NUP210: variants seen among roughly 807,000 people sequenced by gnomAD.
NUP210 encodes nucleoporin 210, also known as nuclear pore membrane glycoprotein 210.
Under a neutral mutation model 196.0 loss-of-function variants are expected in NUP210, and 151 were observed. That is an observed-to-expected ratio of 0.77 (90% CI 0.67 to 0.88). The LOEUF (loss-of-function observed/expected upper bound fraction) is 0.88. Among genes scored for constraint, NUP210 ranks in the 40% least tolerant of loss-of-function variants. The probability of loss-of-function intolerance (pLI) is 0.00; values close to 1 mark genes in which losing one functional copy is unlikely to be tolerated. For synonymous variants in NUP210, 1,070 were observed against 1,052.7 expected, an observed-to-expected ratio of 1.02 and a Z score of -0.32; for missense variants, 2,314 against 2,493.7, an observed-to-expected ratio of 0.93 and a Z score of 1.53.
rs1696800585 is a variant in NUP210 at position 13,327,304 on chromosome 3, C to T, written c.4420G>A (p.Val1474Ile). Residue 1474 changes from valine to isoleucine, a missense_variant, in exon 32 of 40, where the codon GTC (valine) becomes ATC (isoleucine). By Grantham distance (29) the Val-to-Ile change is conservative (BLOSUM62 3). Transcript: ENST00000254508. ...AGCTCTGGGGAGATGGCCTGTAGGA[C>T]AGGCAGGGGCATGAAGTCCGAGAGG... ...PGLSDFMPLP[V>I]LQAISPELSG... 1 of 1,613,492 alleles carries T rather than the reference C, an allele frequency of 6.2e-7. No individual in the cohort carries two copies.
At chr3:13,382,765 C>G (rs1193543996) in intron 6 of NUP210, among the ~76,000 whole-genome samples, 2 of 152,156 alleles carry the variant, frequency 1.3e-5, no homozygotes, top group African/African-American at 4.8e-5. Context: ...ATTCAGGTCC[C>G]CTATGAAGAC....
At chr3:13,367,607 G>A (rs6442374) in intron 13 of NUP210, among the ~76,000 whole-genome samples, 88,370 of 151,844 alleles carry the variant, frequency 0.58, 26,935 homozygotes, top group African/African-American at 0.77. Context: ...AAGGAAAACC[G>A]CCCCCCTGGC....
chr3:13,361,283 A>G (rs1698360950), intron 14 of NUP210, among the ~76,000 whole-genome samples: 1 of 152,232 alleles, frequency 6.6e-6, no homozygotes, highest in African/African-American at 2.4e-5. Flanking sequence ...AATGAAAGTG[A>G]GTTGGCAAGT....
intron 3 of NUP210, among the ~76,000 whole-genome samples, chr3:13,396,614 G>C (rs1455347006): frequency 6.7e-6 from 1 of 149,924 alleles, no homozygotes; most frequent in African/African-American, 2.5e-5. Context: ...AAAAAAATTA[G>C]CTGGGCTTGG....
In NUP210 at chr3:13,358,345, A is replaced by C. The variant is rs1007032759; in HGVS notation, c.2205T>G (p.Pro735=). 8 of 1,613,898 alleles carry C rather than the reference A, an allele frequency of 5.0e-6. No homozygotes were observed. Among genetic ancestry groups the C allele is most frequent in the Non-Finnish European group, 5.9e-6 (7 of 1,179,914 alleles). ...GNKPSLTNPF[P]AVEPAVVKFV... is the part of the protein sequence containing the mutation. The stretch of plus-strand genomic sequence containing the variant: ...ACTTCACCACGGCAGGCTCCACCGC[A>C]GGAAAGGGGTTGGTGAGGCTGGGCT... The change falls in exon 16 of 40, where the codon CCT becomes CCG. Residue 735 remains proline (P), a synonymous_variant. Coordinates refer to ENST00000254508, the MANE Select transcript of NUP210 (RefSeq NM_024923.4).
chr3:13,420,090 G>C lies in NUP210; in HGVS notation c.137C>G (p.Thr46Arg). ...GTAGCAGCCCTCCGAGGCCTCCAGC[G>C]TGAAGTTAACGCGCGTGGCCCGCGT... Reference protein sequence around the residue: ...PFTRATRVNFTLEASEGCYRW... With the variant: ...PFTRATRVNFRLEASEGCYRW... Residue 46 changes from threonine to arginine, a missense_variant, in exon 1 of 40, where the codon ACG (threonine) becomes AGG (arginine). Coordinates refer to ENST00000254508, the MANE Select transcript of NUP210 (RefSeq NM_024923.4). The surrounding 1 kb of genome is among the most constrained non-coding windows in gnomAD (Gnocchi z 4.8). 5.1e-6 allele frequency: 7 copies of C among 1,379,492 alleles called. No homozygotes were observed. The highest frequency in any genetic ancestry group is 6.7e-6 in the Non-Finnish European group (7 of 1,045,544). The allele number at this position is 1,379,492 out of a possible 1,614,324, so 85.5% of individuals were successfully genotyped here.
chr3:13,377,366 C>T (rs984716287), intron 9 of NUP210, 90 bp downstream of exon 9: 11 of 889,602 alleles, frequency 1.2e-5, no homozygotes, highest in Non-Finnish European at 1.8e-5. Flanking sequence ...TGCATGGGGG[C>T]TCCTGTTGCT....
At chr3:13,357,192 C>T (rs902811349) in intron 16 of NUP210, among the ~76,000 whole-genome samples, 1 of 152,226 alleles carries the variant, frequency 6.6e-6, no homozygotes, top group Non-Finnish European at 1.5e-5. Context: ...TCATCCTTCG[C>T]TCCTAGTTAC....
intron 3 of NUP210, among the ~76,000 whole-genome samples, chr3:13,394,026 C>T (rs1192965587): frequency 6.6e-6 from 1 of 152,166 alleles, no homozygotes; most frequent in African/African-American, 2.4e-5. Flanking sequence ...TAGTGCTGAC[C>T]TTGACAAGCC....
chr3:13,319,216 G>A lies in NUP210; in HGVS notation c.5479+14C>T. 1 of 1,612,454 alleles carries A rather than the reference G, an allele frequency of 6.2e-7. No homozygotes were observed. The highest frequency in any genetic ancestry group is 8.5e-7 in the Non-Finnish European group (1 of 1,179,244). ...GCAGGGGAACAGACCCAGAGATACA[G>A]GCAGCCTCCTCACCTATGATCATGA... On this transcript the variant is annotated intron_variant, in intron 38 of 39. Coordinates refer to ENST00000254508, the MANE Select transcript of NUP210 (RefSeq NM_024923.4).
chr3:13,362,790 T>C (rs1261621237), intron 14 of NUP210, among the ~76,000 whole-genome samples: 1 of 152,088 alleles, frequency 6.6e-6, no homozygotes, highest in South Asian at 2.1e-4. Flanking sequence ...GCACTAAGTA[T>C]GCTCAGGGCC....
At chr3:13,330,352 A>G in intron 30 of NUP210, 108 bp downstream of exon 30, 2 of 1,082,234 alleles carry the variant, frequency 1.8e-6, no homozygotes, top group Non-Finnish European at 2.7e-6. Flanking sequence ...ATGCCTGTCT[A>G]CAGTTTCTTA....
rs145557856 is a variant in NUP210 at position 13,393,605 on chromosome 3, G to A, written c.437-2298C>T. ...CTGGCTTTCTCTCCCGCCAGCTGCT[G>A]GCAACATGGCCAGACCCAGCTGCGT... On this transcript the variant is annotated intron_variant, in intron 3 of 39. Transcript: ENST00000254508. 3.6e-3 allele frequency among the ~76,000 whole-genome samples: 541 copies of A among 152,340 alleles called. 4 individuals are homozygous for A. The highest frequency in any genetic ancestry group is 0.01 in the African/African-American group (421 of 41,570).
At chr3:13,403,064 T>C (rs1191766343) in intron 1 of NUP210, among the ~76,000 whole-genome samples, 1 of 152,270 alleles carries the variant, frequency 6.6e-6, no homozygotes, top group Non-Finnish European at 1.5e-5. Flanking sequence ...TCCTCCATTT[T>C]TAAATCCCTA....
chr3:13,411,504 A>G (rs1406918906), intron 1 of NUP210, among the ~76,000 whole-genome samples: 1 of 152,094 alleles, frequency 6.6e-6, no homozygotes, highest in East Asian at 1.9e-4. Flanking sequence ...ATGCAAAGGG[A>G]TTAACAGAAA....
chr3:13,411,039 G>GT (rs1180632859), intron 1 of NUP210, among the ~76,000 whole-genome samples: 1 of 151,806 alleles, frequency 6.6e-6, no homozygotes, highest in African/African-American at 2.4e-5. Flanking sequence ...CTGTGCAATA[G>GT]TGAGTCTCTA....
intron 3 of NUP210, among the ~76,000 whole-genome samples, chr3:13,396,004 A>G (rs977356252): frequency 1.3e-5 from 2 of 152,188 alleles, no homozygotes; most frequent in African/African-American, 4.8e-5. Context: ...AAGCATCACT[A>G]TCTCAATCTC....
Position 13,317,574 on chromosome 3 carries a change from G to A in NUP210, c.*107C>T. 1.2e-6 allele frequency: 1 copy of A among 822,234 alleles called. No homozygotes were observed. The highest frequency in any genetic ancestry group is 2.0e-6 in the Non-Finnish European group (1 of 494,760). 50.9% of individuals were successfully genotyped at this position (822,234 alleles called of 1,614,324 possible). On this transcript the variant is annotated 3_prime_UTR_variant, in exon 40 of 40. Transcript: ENST00000254508. Reference sequence around the variant, plus strand: ...GCAGTGAAGCTGGCCTGGGGCCGGGGCACTCATCTGGAGGGGCTTGTTCCA... The same window carrying A: ...GCAGTGAAGCTGGCCTGGGGCCGGGACACTCATCTGGAGGGGCTTGTTCCA...
chr3:13,327,228 G>A lies in NUP210; in HGVS notation c.4496C>T (p.Thr1499Ile). Residue 1499 changes from threonine to isoleucine, a missense_variant, in exon 32 of 40, where the codon ACC becomes ATC. Physicochemically the swap from Thr to Ile is moderately conservative, Grantham distance 89. Transcript: ENST00000254508. ...AGGATCTATCTTACCTTCCAGGCTGGTCAGAACAGTGGCCAGACAGAGCAC... is the reference window on the plus strand; with the variant it reads ...AGGATCTATCTTACCTTCCAGGCTGATCAGAACAGTGGCCAGACAGAGCAC... Reference protein sequence around the residue: ...GDVLCLATVLTSLEGLSGTWS... With the variant: ...GDVLCLATVLISLEGLSGTWS... 1 of 1,613,024 alleles carries A rather than the reference G, an allele frequency of 6.2e-7. No homozygotes were observed. Among genetic ancestry groups the A allele is most frequent in the East Asian group, 2.2e-5 (1 of 44,858 alleles).
Sources: allele counts gnomAD v4.1 joint callset (sites outside exome capture counted in the v4.1 genomes callset), GRCh38; gene constraint gnomAD v4.1.1; non-coding constraint Gnocchi (gnomAD v3.1); transcripts MANE v1.5; gene names NCBI Gene and HGNC (gene_info 2026-07-23, HGNC 2026-07-21).